The following TPGS2 variants were observed in gnomAD, a reference collection of about 807,000 sequenced individuals.
TPGS2 encodes tubulin polyglutamylase complex subunit 2, also known as polyglutamylase subunit 2.
In TPGS2, 26 loss-of-function variants were observed where a neutral mutation model predicts 31.1. The ratio of observed to expected loss-of-function variants is 0.84; its 90% confidence interval spans 0.61 to 1.16. TPGS2 has a LOEUF of 1.16. Among genes scored for constraint, TPGS2 ranks in the 50% most tolerant of loss-of-function variants. TPGS2 has a pLI of 0.00. For synonymous variants in TPGS2, 130 were observed against 136.6 expected (o/e 0.95, Z 0.34); for missense variants, 351 against 363.8 (o/e 0.96, Z 0.29).
chr18:36,781,952 T>C, downstream of TPGS2: 1 of 983,838 alleles, frequency 1.0e-6, no homozygotes, highest in African/African-American at 1.7e-5. Context: ...AGGGTATTAA[T>C]AGTCATTTTC....
intron 6 of TPGS2, among the ~76,000 whole-genome samples, chr18:36,786,165 C>G (rs2044120772): frequency 6.6e-6 from 1 of 152,114 alleles, no homozygotes; most frequent in Admixed American, 6.5e-5. Context: ...GGTCTTTTAC[C>G]AGGAGAAAGT....
chr18:36,800,083 C>A (rs772919312), intron 5 of TPGS2, 115 bp downstream of exon 5: 9 of 868,666 alleles, frequency 1.0e-5, no homozygotes, highest in Non-Finnish European at 1.7e-5. Flanking sequence ...ACACAAGGAA[C>A]CTGGGAGCAT....
intron 4 of TPGS2, among the ~76,000 whole-genome samples, chr18:36,803,467 G>A (rs574162335): frequency 3.3e-5 from 5 of 152,200 alleles, no homozygotes; most frequent in African/African-American, 1.2e-4. Context: ...ATATGCATCA[G>A]TGTCTGTGTT....
intron 6 of TPGS2, among the ~76,000 whole-genome samples, chr18:36,783,866 A>T (rs922168438): frequency 3.3e-5 from 5 of 152,152 alleles, no homozygotes; most frequent in African/African-American, 1.2e-4. Context: ...TAAATTAAGG[A>T]TCCTGATATA....
chr18:36,805,142 T>A (rs1417847512), intron 4 of TPGS2, among the ~76,000 whole-genome samples: 2 of 152,250 alleles, frequency 1.3e-5, no homozygotes, highest in East Asian at 3.8e-4. Flanking sequence ...AGCAGCCACT[T>A]GACTTATGAG....
intron 6 of TPGS2, among the ~76,000 whole-genome samples, chr18:36,797,516 TG>T (rs1413491796): frequency 7.4e-6 from 1 of 135,118 alleles, no homozygotes; most frequent in Non-Finnish European, 1.5e-5. Flanking sequence ...TGTTTCCTAC[TG>T]TTTTTTTTTT....
intron 6 of TPGS2, among the ~76,000 whole-genome samples, chr18:36,784,398 T>G (rs2044083719): frequency 6.6e-6 from 1 of 152,252 alleles, no homozygotes; most frequent in Non-Finnish European, 1.5e-5. Flanking sequence ...TCTACCACTC[T>G]GCAGCCATAT....
At position 36,795,089 on chromosome 18, in the gene TPGS2, T is replaced by C. The variant is rs1024424240; in HGVS notation, c.*1716A>G. On this transcript the variant is annotated 3_prime_UTR_variant, in exon 7 of 7. Transcript: ENST00000334295. ...AGAGCTTGCCCTGATCCTTGAAGGC[T>C]AACTCTTCACCTTGGTTTTCCTCAG... The C allele has an allele frequency of 7.1e-6, 7 of 985,360 alleles. No individual in the cohort carries two copies. Among genetic ancestry groups the C allele is most frequent in the African/African-American group, 5.2e-5 (3 of 57,260 alleles). 61.0% of individuals were successfully genotyped at this position (985,360 alleles called of 1,614,324 possible). A position where few individuals can be genotyped will look rare whatever the true frequency, so the allele number is the denominator to read the frequency against.
intron 2 of TPGS2, among the ~76,000 whole-genome samples, chr18:36,808,972 C>T (rs558365696): frequency 3.3e-5 from 5 of 152,236 alleles, no homozygotes; most frequent in African/African-American, 1.2e-4. Flanking sequence ...GTTACAGAGG[C>T]AAAGAGGCAA....
intron 2 of TPGS2, among the ~76,000 whole-genome samples, chr18:36,811,818 T>C (rs963467075): frequency 6.6e-6 from 1 of 152,226 alleles, no homozygotes; most frequent in Non-Finnish European, 1.5e-5. Context: ...TGTGGGGCAC[T>C]AGAAACAGAA....
chr18:36,797,925 C>CTAGAT, intron 6 of TPGS2: 1 of 159,254 alleles, frequency 6.3e-6, no homozygotes. Flanking sequence ...AGGGAATAAG[C>CTAGAT]CCCAAGATGG....
intron 6 of TPGS2, among the ~76,000 whole-genome samples, chr18:36,785,402 T>A (rs1413352091): frequency 6.6e-6 from 1 of 152,210 alleles, no homozygotes; most frequent in African/African-American, 2.4e-5. Context: ...CATCCACCCA[T>A]TCATCCGTGT....
At chr18:36,814,075 T>C (rs1371487688) in intron 2 of TPGS2, among the ~76,000 whole-genome samples, 3 of 152,378 alleles carry the variant, frequency 2.0e-5, no homozygotes, top group South Asian at 4.1e-4. Context: ...CTGTGGGCCA[T>C]GGTTTCACCA....
chr18:36,785,778 A>G (rs1222971017), intron 6 of TPGS2, among the ~76,000 whole-genome samples: 1 of 152,226 alleles, frequency 6.6e-6, no homozygotes. Context: ...TAGGAAAATT[A>G]TATAGGCTGG....
At chr18:36,792,221 T>C (rs1403219352), downstream of TPGS2, among the ~76,000 whole-genome samples, 2 of 152,076 alleles carry the variant, frequency 1.3e-5, no homozygotes, top group African/African-American at 4.8e-5. Context: ...TTTAGAGCAA[T>C]TGCTAAAACA....
intron 3 of TPGS2, chr18:36,805,928 T>C (rs1441143601): frequency 6.7e-6 from 1 of 148,300 alleles, no homozygotes; most frequent in Non-Finnish European, 1.5e-5. Context: ...CTTCTATTCT[T>C]CTTGTTATAA....
chr18:36,822,067 T>A (rs1239134846), intron 1 of TPGS2, among the ~76,000 whole-genome samples: 4 of 152,138 alleles, frequency 2.6e-5, no homozygotes, highest in African/African-American at 4.8e-5. Flanking sequence ...GGGCTGGAAG[T>A]TGTAGTGGTG....
downstream of TPGS2, chr18:36,780,258 A>C (rs1275521404): frequency 1.8e-6 from 2 of 1,130,780 alleles, no homozygotes; most frequent in African/African-American, 3.2e-5. Context: ...AATTGGGCCT[A>C]AGTCCTTGTT....
At chr18:36,783,130 G>A (rs1484032295) in exon 7 of TPGS2, 2 of 398,324 alleles carry the variant, frequency 5.0e-6, no homozygotes, top group Non-Finnish European at 8.8e-6. Context: ...GCCTAAAAGA[G>A]CCTATAAGAA....
Sources: allele counts gnomAD v4.1 joint callset (sites outside exome capture counted in the v4.1 genomes callset), GRCh38; gene constraint gnomAD v4.1.1; transcripts MANE v1.5; gene names NCBI Gene and HGNC (gene_info 2026-07-23, HGNC 2026-07-21).